Variants in ILDR1 observed in about 807,000 individuals in gnomAD.
ILDR1 encodes the protein immunoglobulin like domain containing receptor 1.
ILDR1 carries 56 observed loss-of-function variants against 62.4 expected under a neutral mutation model. The observed-to-expected ratio is 0.90, with a 90% CI of 0.72 to 1.12. ILDR1 has a LOEUF of 1.12. Among genes scored for constraint, ILDR1 ranks in the 50% most tolerant of loss-of-function variants. The pLI, the probability that ILDR1 is intolerant of heterozygous loss-of-function variation, is 0.00. For synonymous variants in ILDR1, 284 were observed against 277.8 expected (o/e 1.02, Z -0.22); for missense variants, 736 against 710.6 (o/e 1.04, Z -0.41).
intron 1 of ILDR1, among the ~76,000 whole-genome samples, chr3:122,009,344 C>CACACACAT (rs1397842690): frequency 6.6e-6 from 1 of 151,718 alleles, no homozygotes; most frequent in African/African-American, 2.4e-5. Flanking sequence ...CACACACACA[C>CACACACAT]ACACACACAC....
chr3:122,005,222 C>T, intron 3 of ILDR1, 22 bp downstream of exon 3: 1 of 1,540,320 alleles, frequency 6.5e-7, no homozygotes, highest in South Asian at 1.1e-5. Flanking sequence ...CCCAGTTCCC[C>T]TGACACCTCC....
At chr3:122,055,103 G>A in the ILDR1 span, among the ~76,000 whole-genome samples, 1 of 152,114 alleles carries the variant, frequency 6.6e-6, no homozygotes, top group Non-Finnish European at 1.5e-5. Flanking sequence ...TGCTGCGGAG[G>A]TTTGTTTTCT....
upstream of ILDR1, among the ~76,000 whole-genome samples, chr3:122,022,802 A>G (rs1553746621): frequency 6.6e-6 from 1 of 151,962 alleles, no homozygotes; most frequent in Non-Finnish European, 1.5e-5. Context: ...AATCTCAGCT[A>G]CTCGGGACGC....
intron 3 of ILDR1, among the ~76,000 whole-genome samples, chr3:122,003,080 T>C (rs1484442892): frequency 6.6e-6 from 1 of 152,184 alleles, no homozygotes; most frequent in African/African-American, 2.4e-5. Flanking sequence ...TCTTCTGTCC[T>C]GAAAGGGTTT....
chr3:121,993,301 T>G lies in ILDR1; in HGVS notation c.1448A>C (p.Glu483Ala). The G allele has an allele frequency of 3.1e-6, 5 of 1,612,800 alleles. No individual in the cohort carries two copies. Among genetic ancestry groups the G allele is most frequent in the Non-Finnish European group, 4.2e-6 (5 of 1,179,148 alleles). ...PSGLSSWSSE[E>A]DKERQPQSWR... The stretch of plus-strand genomic sequence containing the variant: ...GCTCTGGGGCTGCCTCTCCTTGTCC[T>G]CTTCAGAGCTCCAGGAACTGAGGCC... The change falls in exon 7 of 8, where the codon GAG becomes GCG. Residue 483 changes from glutamate to alanine, a missense_variant. Transcript: ENST00000344209.
intron 1 of ILDR1, among the ~76,000 whole-genome samples, chr3:122,018,401 G>GT (rs1236831734): frequency 2.2e-5 from 3 of 136,882 alleles, no homozygotes; most frequent in African/African-American, 8.0e-5. Context: ...GGGTGGGGGG[G>GT]GGGTAGGGGA....
intron 1 of ILDR1, among the ~76,000 whole-genome samples, chr3:122,008,310 C>T (rs1576728763): frequency 6.6e-6 from 1 of 152,314 alleles, no homozygotes; most frequent in East Asian, 1.9e-4. Flanking sequence ...TTAGGTAGCA[C>T]CAAAATGTCA....
chr3:122,055,412 G>A, the ILDR1 span: 24 of 1,411,682 alleles, frequency 1.7e-5, no homozygotes, highest in South Asian at 2.8e-4. Flanking sequence ...CTTCTCTGCT[G>A]CTGTAACAGG....
At chr3:122,053,032 T>A in the ILDR1 span, among the ~76,000 whole-genome samples, 1 of 152,228 alleles carries the variant, frequency 6.6e-6, no homozygotes, top group South Asian at 2.1e-4. Context: ...GCAGTTGTTT[T>A]TTTTGCTCAC....
chr3:121,993,147 C>T lies in ILDR1; in HGVS notation c.1599+3G>A. 6.3e-7 allele frequency: 1 copy of T among 1,577,482 alleles called. No homozygotes were observed. The highest frequency in any genetic ancestry group is 1.3e-5 in the African/African-American group (1 of 74,188). On this transcript the variant is annotated splice_donor_region_variant and intron_variant, in intron 7 of 7. Coordinates refer to ENST00000344209, the MANE Select transcript of ILDR1 (RefSeq NM_001199799.2). ...AACCCTCAGCAGGATGCCCCAGGCT[C>T]ACCGAGCGCCTCTCCACACTCCCTT...
At position 121,988,134 on chromosome 3, in the gene ILDR1, A is replaced by C; in HGVS notation, c.*233T>G. Reference sequence around the variant, plus strand: ...CACTATGTTTCCCAGGCTGATCTTGAACTCCTAGTCTCAAGTGATTCTTAG... The same window carrying C: ...CACTATGTTTCCCAGGCTGATCTTGCACTCCTAGTCTCAAGTGATTCTTAG... On this transcript the variant is annotated 3_prime_UTR_variant, in exon 8 of 8. Coordinates refer to ENST00000344209, the MANE Select transcript of ILDR1 (RefSeq NM_001199799.2). 2 of 617,378 alleles carry C rather than the reference A, an allele frequency of 3.2e-6. No individual in the cohort carries two copies. The highest frequency in any genetic ancestry group is 3.1e-5 in the South Asian group (2 of 65,276). The allele number at this position is 617,378 out of a possible 1,614,324, so 38.2% of individuals were successfully genotyped here. A position where few individuals can be genotyped will look rare whatever the true frequency, so the allele number is the denominator to read the frequency against.
chr3:121,990,342 T>C (rs192667854), intron 7 of ILDR1, among the ~76,000 whole-genome samples: 1 of 152,346 alleles, frequency 6.6e-6, no homozygotes, highest in Admixed American at 6.5e-5. Flanking sequence ...CTGCTCACTG[T>C]CAGAATATGA....
At chr3:122,026,267 C>T (rs57679333), upstream of ILDR1, among the ~76,000 whole-genome samples, 5,049 of 152,178 alleles carry the variant, frequency 0.033, 264 homozygotes, top group African/African-American at 0.12. Flanking sequence ...TGTTTGGGAA[C>T]TTAGATGAAA....
chr3:122,060,047 T>C, the ILDR1 span, among the ~76,000 whole-genome samples: 1 of 152,286 alleles, frequency 6.6e-6, no homozygotes, highest in South Asian at 2.1e-4. Context: ...CCCCAGTTTG[T>C]GGTACTTTGT....
At chr3:122,014,760 T>C (rs890158850) in intron 1 of ILDR1, among the ~76,000 whole-genome samples, 1 of 152,176 alleles carries the variant, frequency 6.6e-6, no homozygotes, top group African/African-American at 2.4e-5. Context: ...AAAATATCAA[T>C]CTTTAAATTT....
intron 1 of ILDR1, among the ~76,000 whole-genome samples, chr3:122,018,210 C>A (rs2107679009): frequency 6.6e-6 from 1 of 152,222 alleles, no homozygotes; most frequent in Non-Finnish European, 1.5e-5. Context: ...TACTATGCAT[C>A]CATAAAAAGG....
upstream of ILDR1, chr3:122,022,274 C>T (rs543208046): frequency 1.0e-3 from 499 of 476,470 alleles, 6 homozygotes; most frequent in East Asian, 0.018. Context: ...CGGCGCTCCC[C>T]ACGGCTCCGC....
At chr3:122,002,055 G>A (rs547582679) in intron 3 of ILDR1, among the ~76,000 whole-genome samples, 191 bp from the exon 4 acceptor site, 7 of 152,286 alleles carry the variant, frequency 4.6e-5, no homozygotes, top group Middle Eastern at 3.4e-3. Flanking sequence ...TGGGAGGATC[G>A]CTTGAGCCCA....
At chr3:122,059,413 G>A in the ILDR1 span, among the ~76,000 whole-genome samples, 2 of 152,174 alleles carry the variant, frequency 1.3e-5, no homozygotes, top group South Asian at 2.1e-4. Context: ...AAGTGGGCCT[G>A]TAGTCCCAGC....
Sources: allele counts gnomAD v4.1 joint callset (sites outside exome capture counted in the v4.1 genomes callset), GRCh38; gene constraint gnomAD v4.1.1; transcripts MANE v1.5; gene names NCBI Gene and HGNC (gene_info 2026-07-23, HGNC 2026-07-21).